The following ZNF257 variants were observed in gnomAD, a reference collection of about 807,000 sequenced individuals.
The protein encoded by ZNF257 is zinc finger protein 257, also known as bone marrow zinc finger 4.
In ZNF257, 12 loss-of-function variants were observed where a neutral mutation model predicts 11.9. The observed-to-expected ratio is 1.01, with a 90% confidence interval of 0.65 to 1.63. ZNF257 has a LOEUF of 1.63. Among genes scored for constraint, ZNF257 ranks in the 40% most tolerant of loss-of-function variants. The pLI is 0.00. For synonymous variants in ZNF257, 183 were observed against 222.7 expected, an observed-to-expected ratio of 0.82 and a Z score of 1.59; for missense variants, 580 against 665.5, an observed-to-expected ratio of 0.87 and a Z score of 1.41.
intron 1 of ZNF257, among the ~76,000 whole-genome samples, chr19:22,058,887 T>C (rs1224975404): frequency 6.7e-6 from 1 of 149,234 alleles, no homozygotes; most frequent in Non-Finnish European, 1.5e-5. Context: ...CACCACAGCA[T>C]TTTTATCCTA....
chr19:22,075,265 CA>C (rs2022201068), intron 3 of ZNF257: 2 of 163,400 alleles, frequency 1.2e-5, no homozygotes, highest in Non-Finnish European at 1.3e-5. Flanking sequence ...CAGGTTTTTG[CA>C]GTAGGGTCTG....
intron 3 of ZNF257, among the ~76,000 whole-genome samples, chr19:22,076,931 G>A (rs1001023960): frequency 1.3e-5 from 2 of 152,208 alleles, no homozygotes; most frequent in South Asian, 2.1e-4. Flanking sequence ...CTCATGATCC[G>A]CCTGCCTTGG....
chr19:22,058,764 AT>A (rs749952318), intron 1 of ZNF257, among the ~76,000 whole-genome samples: 3 of 152,146 alleles, frequency 2.0e-5, no homozygotes, highest in Non-Finnish European at 4.4e-5. Flanking sequence ...CGGATAGCAG[AT>A]TCCCTTTTTC....
Position 22,088,544 on chromosome 19 carries a change from C to G in ZNF257, c.794C>G (p.Ala265Gly), listed in dbSNP as rs769076703. 1.9e-6 allele frequency: 3 copies of G among 1,613,516 alleles called. No individual in the cohort carries two copies. In the South Asian group the frequency reaches 3.3e-5, roughly 18 times the overall value. The change falls in exon 4 of 4, where the codon GCC (alanine) becomes GGC (glycine). Residue 265 changes from alanine (A) to glycine (G), a missense_variant. Coordinates refer to ENST00000594947, the MANE Select transcript of ZNF257 (RefSeq NM_033468.4). ...TACAAATGTGAAGAGTGTGGCAAAGCCTTTAACCGGTCTTCACACATTACT... is the reference window on the plus strand; with the variant it reads ...TACAAATGTGAAGAGTGTGGCAAAGGCTTTAACCGGTCTTCACACATTACT... The part of the protein sequence containing the change: ...KPYKCEECGK[A>G]FNRSSHITQH...
chr19:22,055,496 G>A (rs2021606741), intron 1 of ZNF257, among the ~76,000 whole-genome samples: 1 of 151,980 alleles, frequency 6.6e-6, no homozygotes, highest in South Asian at 2.1e-4. Flanking sequence ...GTGAGCCACC[G>A]TGCCTGGCCA....
intron 1 of ZNF257, among the ~76,000 whole-genome samples, chr19:22,053,366 CAAAAAAAAAAAAAAA>C (rs61426953): frequency 1.4e-4 from 11 of 76,484 alleles, no homozygotes; most frequent in Non-Finnish European, 2.9e-4. Flanking sequence ...GACTCCGTCT[CAAAAAAAAAAAAAAA>C]AAAAAAAAAA....
chr19:22,072,772 G>C, intron 1 of ZNF257, 37 bp from the exon 2 acceptor site: 1 of 1,590,636 alleles, frequency 6.3e-7, no homozygotes, highest in African/African-American at 1.4e-5. Context: ...TGACCACTTG[G>C]TAAATATATG....
chr19:22,078,857 A>G (rs1717663723), intron 3 of ZNF257, among the ~76,000 whole-genome samples: 1 of 149,662 alleles, frequency 6.7e-6, no homozygotes, highest in African/African-American at 2.5e-5. Context: ...CAATGGTGCA[A>G]TCTCTGCTCA....
Position 22,077,889 on chromosome 19 carries a change from ATGG to A in ZNF257, c.226+4326_226+4328del, listed in dbSNP as rs1169772950. Among the ~76,000 whole-genome samples, 6 of 152,130 alleles carry A rather than the reference ATGG, an allele frequency of 3.9e-5. No individual in the cohort carries two copies. In the East Asian group the frequency reaches 1.2e-3, roughly 29 times the overall value. On this transcript the variant is annotated intron_variant, in intron 3 of 3. Transcript: ENST00000594947. ...CTCCTGATTTTCACCAACAATCGACATGGGTTTCATTTTCACTGCATCATCAAC... is the reference window on the plus strand; with the variant it reads ...CTCCTGATTTTCACCAACAATCGACAGTTTCATTTTCACTGCATCATCAAC...
At position 22,077,892 on chromosome 19, in the gene ZNF257, G is replaced by GACAACA. The variant is rs1365446039; in HGVS notation, c.226+4328_226+4329insACAACA. Among the ~76,000 whole-genome samples the GACAACA allele has an allele frequency of 3.9e-5, 6 of 151,946 alleles. No individual in the cohort carries two copies. In the East Asian group the frequency reaches 1.2e-3, roughly 29 times the overall value. ...CTGATTTTCACCAACAATCGACATG[G>GACAACA]GTTTCATTTTCACTGCATCATCAAC... On this transcript the variant is annotated intron_variant, in intron 3 of 3. Coordinates refer to ENST00000594947, the MANE Select transcript of ZNF257 (RefSeq NM_033468.4).
At chr19:22,077,132 A>G (rs564610892) in intron 3 of ZNF257, among the ~76,000 whole-genome samples, 1 of 152,246 alleles carries the variant, frequency 6.6e-6, no homozygotes, top group East Asian at 1.9e-4. Flanking sequence ...TGGGCAGCAT[A>G]TAAAGTCCCC....
chr19:22,079,647 A>G (rs2022315390), intron 3 of ZNF257, among the ~76,000 whole-genome samples: 1 of 152,112 alleles, frequency 6.6e-6, no homozygotes, highest in South Asian at 2.1e-4. Context: ...TTCATGATTT[A>G]ATTACCTCTC....
chr19:22,060,091 C>T lies in ZNF257; in HGVS notation c.3+7456C>T, dbSNP rs898037645. On this transcript the variant is annotated intron_variant, in intron 1 of 3. Transcript: ENST00000594947. ...CATTTAGGTTGATTCCATGTCTTTG[C>T]CATTGTGAATAGTGCTGCAATGAAC... Among the ~76,000 whole-genome samples the T allele has an allele frequency of 1.1e-4, 16 of 152,138 alleles. 1 individual carries two copies. Among genetic ancestry groups the T allele is most frequent in the Admixed American group, 2.6e-4 (4 of 15,268 alleles).
Position 22,088,116 on chromosome 19 carries a change from G to A in ZNF257, c.366G>A (p.Glu122=). 1 of 1,611,448 alleles carries A rather than the reference G, an allele frequency of 6.2e-7. No individual in the cohort carries two copies. Among genetic ancestry groups the A allele is most frequent in the African/African-American group, 1.3e-5 (1 of 74,916 alleles). Residue 122 remains glutamate, a synonymous_variant, in exon 4 of 4, where the codon GAG becomes GAA. Transcript: ENST00000594947. ...GAAAGGGCTGTAAAAGTGTGGATGA[G>A]TGTAAGGTGTGCAAAGGAGGTTATA... ...QLRKGCKSVD[E]CKVCKGGYNG...
rs566992160 is a variant in ZNF257 at position 22,053,818 on chromosome 19, C to G, written c.3+1183C>G. On this transcript the variant is annotated intron_variant, in intron 1 of 3. Transcript: ENST00000594947. ...TGCATGCCTGTAATCCCAGCTACTC[C>G]GGAGGCTGAGGCAGGAGAATCGCTT... 6.6e-5 allele frequency among the ~76,000 whole-genome samples: 10 copies of G among 151,042 alleles called. No individual in the cohort carries two copies. In the South Asian group the frequency reaches 2.1e-3, roughly 32 times the overall value.
In ZNF257 at chr19:22,089,017, A is replaced by C; in HGVS notation, c.1267A>C (p.Ile423Leu). ...TCTTACTACCCTTACTCAGCATAAG[A>C]TAATTCATACTGGAGAGAAACCCTA... The part of the protein sequence containing the change: ...SALTTLTQHK[I>L]IHTGEKPYKC... The change falls in exon 4 of 4, where the codon ATA (isoleucine) becomes CTA (leucine). Residue 423 changes from isoleucine to leucine, a missense_variant. Transcript: ENST00000594947. The C allele has an allele frequency of 1.2e-6, 2 of 1,613,506 alleles. No homozygotes were observed. The highest frequency in any genetic ancestry group is 2.2e-5 in the South Asian group (2 of 91,036).
At chr19:22,085,319 G>A (rs1365430524) in intron 3 of ZNF257, among the ~76,000 whole-genome samples, 5 of 151,770 alleles carry the variant, frequency 3.3e-5, no homozygotes, top group African/African-American at 9.7e-5. Context: ...TCCACCTGCC[G>A]TGGCCTCCCA....
At chr19:22,070,245 TTAAATA>T (rs1489496501) in intron 1 of ZNF257, among the ~76,000 whole-genome samples, 1 of 152,052 alleles carries the variant, frequency 6.6e-6, no homozygotes. Context: ...TCACAAAAAA[TTAAATA>T]TAAACACAAT....
rs1287811456 is a variant in ZNF257 at position 22,081,729 on chromosome 19, C to T, written c.227-6248C>T. 3.3e-5 allele frequency among the ~76,000 whole-genome samples: 5 copies of T among 151,938 alleles called. 1 individual carries two copies. The highest frequency in any genetic ancestry group is 9.7e-5 in the African/African-American group (4 of 41,334). On this transcript the variant is annotated intron_variant, in intron 3 of 3. Transcript: ENST00000594947. ...ATTTTTTGTAGAGACACAGTTTTGC[C>T]GTGTTGCCCACTCTGGTTTTGACCT...
Sources: gnomAD v4.1 joint callset for allele counts (sites outside exome capture counted in the v4.1 genomes callset) on GRCh38, gnomAD v4.1.1 for gene constraint, MANE v1.5 for transcripts, NCBI Gene and HGNC (gene_info 2026-07-23, HGNC 2026-07-21) for gene names.